The following NAA50 variants were observed in gnomAD, a reference collection of about 807,000 sequenced individuals.
The protein encoded by NAA50 is N-alpha-acetyltransferase 50.
In NAA50, 7 loss-of-function variants were observed where a neutral mutation model predicts 20.7. That is an observed-to-expected ratio of 0.34 (90% CI 0.19 to 0.63). The LOEUF (loss-of-function observed/expected upper bound fraction) is 0.63. Among genes scored for constraint, NAA50 ranks in the 30% least tolerant of loss-of-function variants. The pLI, the probability that NAA50 is intolerant of heterozygous loss-of-function variation, is 0.75. For missense variants in NAA50, 111 were observed against 199.1 expected (o/e 0.56, Z 2.66); for synonymous variants, 54 against 70.6 (o/e 0.77, Z 1.18).
intron 1 of NAA50, among the ~76,000 whole-genome samples, chr3:113,732,430 T>C (rs1708283391): frequency 6.6e-6 from 1 of 152,144 alleles, no homozygotes; most frequent in African/African-American, 2.4e-5. Flanking sequence ...CTTTAAAAAT[T>C]ACCACAAACT....
In NAA50 at chr3:113,719,252, C is replaced by A. The variant is rs1485020368; in HGVS notation, c.*2508G>T. The A allele has an allele frequency of 2.0e-5, 3 of 152,586 alleles. No individual in the cohort carries two copies. The highest frequency in any genetic ancestry group is 7.2e-5 in the African/African-American group (3 of 41,444). 9.5% of individuals were successfully genotyped at this position (152,586 alleles called of 1,614,324 possible). ...TTCCCCAAATGAAAGCTAATCTGGA[C>A]AAACTATATATTGCATAGATTTCTC... On this transcript the variant is annotated 3_prime_UTR_variant, in exon 5 of 5. Coordinates refer to ENST00000240922, the MANE Select transcript of NAA50 (RefSeq NM_025146.4).
At chr3:113,736,505 TA>T (rs941339309) in intron 1 of NAA50, among the ~76,000 whole-genome samples, 6 of 152,346 alleles carry the variant, frequency 3.9e-5, no homozygotes, top group Admixed American at 2.0e-4. Context: ...CCTTGGCCTA[TA>T]AATCAAGCAG....
At chr3:113,725,952 C>G (rs1409586076) in intron 1 of NAA50, among the ~76,000 whole-genome samples, 1 of 152,106 alleles carries the variant, frequency 6.6e-6, no homozygotes, top group Non-Finnish European at 1.5e-5. Context: ...GAGACTTTTA[C>G]CCCCTATTTA....
At chr3:113,724,538 C>T (rs1216721813) in intron 1 of NAA50, 1 of 152,482 alleles carries the variant, frequency 6.6e-6, no homozygotes, top group Admixed American at 6.5e-5. Context: ...TATGAACTAC[C>T]TACATCAGAG....
At chr3:113,727,839 G>C (rs1708218106) in intron 1 of NAA50, among the ~76,000 whole-genome samples, 3 of 151,968 alleles carry the variant, frequency 2.0e-5, no homozygotes, top group Admixed American at 2.0e-4. Flanking sequence ...AAATTAATTT[G>C]ATTTTTGCAA....
chr3:113,727,186 G>A (rs372051298), intron 1 of NAA50, among the ~76,000 whole-genome samples: 41 of 152,238 alleles, frequency 2.7e-4, no homozygotes, highest in African/African-American at 9.4e-4. Context: ...CACAAGTTGG[G>A]TGTAGTAATT....
chr3:113,739,752 A>C (rs1329710463), intron 1 of NAA50, among the ~76,000 whole-genome samples: 1 of 152,224 alleles, frequency 6.6e-6, no homozygotes, highest in East Asian at 1.9e-4. Flanking sequence ...GTTGGCCCAC[A>C]AGTTGAAACA....
Position 113,721,616 on chromosome 3 carries a change from C to G in NAA50, c.*144G>C. ...AAGTCCTTGAAAGTATTAAAACTCTCAGAGAAAAGGAAAGGAAGAAAGAAA... is the reference window on the plus strand; with the variant it reads ...AAGTCCTTGAAAGTATTAAAACTCTGAGAGAAAAGGAAAGGAAGAAAGAAA... On this transcript the variant is annotated 3_prime_UTR_variant, in exon 5 of 5. Transcript: ENST00000240922. The G allele has an allele frequency of 1.2e-6, 1 of 802,180 alleles. No individual in the cohort carries two copies. The highest frequency in any genetic ancestry group is 2.0e-6 in the Non-Finnish European group (1 of 502,014). 49.7% of individuals were successfully genotyped at this position (802,180 alleles called of 1,614,324 possible). A position where few individuals can be genotyped will look rare whatever the true frequency, so the allele number is the denominator to read the frequency against.
At position 113,745,901 on chromosome 3, in the gene NAA50, C is replaced by T. The variant is rs1335715071; in HGVS notation, c.8+41G>A. On this transcript the variant is annotated intron_variant, in intron 1 of 4. Transcript: ENST00000240922. ...CCCCTCTACATGGGCCCGGACCCTT[C>T]TACCCCACCGGCCGGGCCCTGCCCG... 4 of 1,600,842 alleles carry T rather than the reference C, an allele frequency of 2.5e-6. No individual in the cohort carries two copies. In the African/African-American group the frequency reaches 5.4e-5, roughly 22 times the overall value.
Position 113,730,545 on chromosome 3 carries a change from T to C in NAA50, c.9-6450A>G, listed in dbSNP as rs1708259080. ...GTTTTTACAAATACATATAATCATG[T>C]AACCATTACCAAAATATACAATTTA... On this transcript the variant is annotated intron_variant, in intron 1 of 4. Coordinates refer to ENST00000240922, the MANE Select transcript of NAA50 (RefSeq NM_025146.4). Among the ~76,000 whole-genome samples, 4 of 152,218 alleles carry C rather than the reference T, an allele frequency of 2.6e-5. No homozygotes were observed. The South Asian group carries it at 6.2e-4, about 24-fold the overall frequency.
chr3:113,717,517 T>A lies in NAA50; in HGVS notation c.*4243A>T, dbSNP rs537873985. ...TCAAGCTCTTTTTCCCATGTGACTATGTTACTTGGCTGTATCATAAACTAG... is the reference window on the plus strand; with the variant it reads ...TCAAGCTCTTTTTCCCATGTGACTAAGTTACTTGGCTGTATCATAAACTAG... On this transcript the variant is annotated 3_prime_UTR_variant, in exon 5 of 5. Coordinates refer to ENST00000240922, the MANE Select transcript of NAA50 (RefSeq NM_025146.4). The A allele has an allele frequency of 5.9e-5, 9 of 152,326 alleles. No individual in the cohort carries two copies. Among genetic ancestry groups the A allele is most frequent in the African/African-American group, 2.2e-4 (9 of 41,580 alleles). The allele number at this position is 152,326 out of a possible 1,614,324, so 9.4% of individuals were successfully genotyped here. A position where few individuals can be genotyped will look rare whatever the true frequency, so the allele number is the denominator to read the frequency against.
chr3:113,723,682 T>G (rs1708163754), intron 2 of NAA50, 141 bp from the exon 3 acceptor site: 7 of 1,068,468 alleles, frequency 6.6e-6, no homozygotes, highest in Non-Finnish European at 9.0e-6. Flanking sequence ...CTCAAAGCTC[T>G]TATGCCATCT....
rs1396416869 is a variant in NAA50 at position 113,746,188 on chromosome 3, G to A, written c.-239C>T. The A allele has an allele frequency of 5.7e-6, 3 of 523,042 alleles. No individual in the cohort carries two copies. The highest frequency in any genetic ancestry group is 4.2e-5 in the Admixed American group (1 of 24,010). The allele number at this position is 523,042 out of a possible 1,614,324, so 32.4% of individuals were successfully genotyped here. On this transcript the variant is annotated 5_prime_UTR_variant, in exon 1 of 5. Coordinates refer to ENST00000240922, the MANE Select transcript of NAA50 (RefSeq NM_025146.4). ...CGCCGCTTCTCCACACGTGCACTCGGGTCTCTCGGCTCCCTCCCGCCGCTG... is the reference window on the plus strand; with the variant it reads ...CGCCGCTTCTCCACACGTGCACTCGAGTCTCTCGGCTCCCTCCCGCCGCTG...
chr3:113,734,037 A>C (rs1237941881), intron 1 of NAA50, among the ~76,000 whole-genome samples: 1 of 152,136 alleles, frequency 6.6e-6, no homozygotes, highest in East Asian at 1.9e-4. Flanking sequence ...TACTTACTGT[A>C]GTTGATTGAT....
At chr3:113,741,390 A>T (rs1708412825) in intron 1 of NAA50, 1 of 197,844 alleles carries the variant, frequency 5.1e-6, no homozygotes, top group Admixed American at 6.0e-5. Context: ...GAATAGACTT[A>T]AATATAGCTC....
Position 113,717,036 on chromosome 3 carries a change from A to G in NAA50, c.*4724T>C, listed in dbSNP as rs1264056114. On this transcript the variant is annotated 3_prime_UTR_variant, in exon 5 of 5. Transcript: ENST00000240922. ...CAAGGAAAATACCTTGATTCATTCT[A>G]GATAGAAAACATTTTACTGGCCAGG... 2 of 152,098 alleles carry G rather than the reference A, an allele frequency of 1.3e-5. No individual in the cohort carries two copies. The highest frequency in any genetic ancestry group is 4.8e-5 in the African/African-American group (2 of 41,398). 9.4% of individuals were successfully genotyped at this position (152,098 alleles called of 1,614,324 possible). A position where few individuals can be genotyped will look rare whatever the true frequency, so the allele number is the denominator to read the frequency against.
chr3:113,743,445 A>C (rs1708444758), intron 1 of NAA50, among the ~76,000 whole-genome samples: 1 of 152,212 alleles, frequency 6.6e-6, no homozygotes, highest in Admixed American at 6.5e-5. Context: ...CAGGACTTTA[A>C]AATCGACCAC....
chr3:113,728,349 GCATCTGGAATGCAAAGGTGTTTA>G (rs1389047269), intron 1 of NAA50, among the ~76,000 whole-genome samples: 2 of 152,284 alleles, frequency 1.3e-5, no homozygotes, highest in East Asian at 3.9e-4. Flanking sequence ...TATGTGTTAT[GCATCTGGAATGCAAAGGTGTTTA>G]CATCTGGTAG....
chr3:113,723,332 A>G (rs1367945346), intron 3 of NAA50, 90 bp downstream of exon 3: 3 of 1,293,450 alleles, frequency 2.3e-6, no homozygotes, highest in Non-Finnish European at 2.1e-6. Context: ...TATTCCTTAA[A>G]AAGACCCAAA....
Sources: gnomAD v4.1 joint callset for allele counts (sites outside exome capture counted in the v4.1 genomes callset) on GRCh38, gnomAD v4.1.1 for gene constraint, MANE v1.5 for transcripts, NCBI Gene and HGNC (gene_info 2026-07-23, HGNC 2026-07-21) for gene names.